DNMBP: variants seen among roughly 807,000 people sequenced by gnomAD.
DNMBP encodes dynamin binding protein, also known as dynamin-binding protein.
In DNMBP, 87 loss-of-function variants were observed where a neutral mutation model predicts 150.0. That is an observed-to-expected ratio of 0.58 (90% CI 0.49 to 0.69). The LOEUF (loss-of-function observed/expected upper bound fraction) is 0.69. DNMBP is among the 30% of genes least tolerant of loss of function. DNMBP has a pLI of 0.00. For missense variants in DNMBP, 1,774 were observed against 1,949.0 expected (o/e 0.91, Z 1.69); for synonymous variants, 711 against 750.4 (o/e 0.95, Z 0.86).
At chr10:99,899,839 C>A (rs2039713069) in intron 7 of DNMBP, 80 bp downstream of exon 7, 2 of 1,436,328 alleles carry the variant, frequency 1.4e-6, no homozygotes, top group East Asian at 2.3e-5. Context: ...AAGATGTCAT[C>A]ATCAAGTCCA....
At chr10:99,976,429 C>T (rs1244623504) in intron 1 of DNMBP, among the ~76,000 whole-genome samples, 1 of 152,082 alleles carries the variant, frequency 6.6e-6, no homozygotes, top group Non-Finnish European at 1.5e-5. Context: ...TACACAATAC[C>T]AGCACTGTCT....
At chr10:99,906,723 C>T (rs1035766345) in intron 6 of DNMBP, among the ~76,000 whole-genome samples, 2 of 152,144 alleles carry the variant, frequency 1.3e-5, no homozygotes, top group Non-Finnish European at 2.9e-5. Flanking sequence ...GGAAGTAGAT[C>T]CCTGAGCCCC....
intron 2 of DNMBP, among the ~76,000 whole-genome samples, chr10:99,970,540 TGAAA>T (rs1378844457): frequency 1.3e-5 from 2 of 151,266 alleles, no homozygotes; most frequent in African/African-American, 2.4e-5. Flanking sequence ...TTGAAGAAAA[TGAAA>T]GAAAGATCAC....
chr10:99,892,631 A>G lies in DNMBP; in HGVS notation c.3156+2315T>C, dbSNP rs554304617. The stretch of plus-strand genomic sequence containing the variant: ...GGACACAAACACTGCGGAAGGCCGC[A>G]GGGTCCTCTGCCTAGGAAAACCAGA... On this transcript the variant is annotated intron_variant, in intron 11 of 16. Transcript: ENST00000324109. Among the ~76,000 whole-genome samples the G allele has an allele frequency of 1.0e-3, 145 of 138,664 alleles. 2 individuals carry two copies. Among genetic ancestry groups the G allele is most frequent in the Admixed American group, 2.7e-3 (36 of 13,448 alleles). The allele number at this position is 138,664 out of a possible 152,430, so 91.0% of individuals were successfully genotyped here. A position where few individuals can be genotyped will look rare whatever the true frequency, so the allele number is the denominator to read the frequency against.
intron 11 of DNMBP, 169 bp from the exon 12 acceptor site, chr10:99,889,122 C>CT: frequency 1.4e-6 from 1 of 695,134 alleles, no homozygotes; most frequent in East Asian, 2.9e-5. Flanking sequence ...TAAACTATGA[C>CT]TTACGGGGCA....
chr10:99,912,648 T>C (rs1357390073), intron 4 of DNMBP, among the ~76,000 whole-genome samples: 1 of 152,024 alleles, frequency 6.6e-6, no homozygotes, highest in East Asian at 1.9e-4. Context: ...GGGACCGGGG[T>C]ATCCGCAATT....
chr10:99,944,315 T>C (rs1034953550), intron 4 of DNMBP, among the ~76,000 whole-genome samples: 2 of 152,220 alleles, frequency 1.3e-5, no homozygotes, highest in African/African-American at 4.8e-5. Context: ...TCAAGAAATA[T>C]ACACTGAATA....
Position 99,978,967 on chromosome 10 carries a change from A to G in DNMBP, c.-10-6833T>C, listed in dbSNP as rs140049938. 4.8e-3 allele frequency among the ~76,000 whole-genome samples: 725 copies of G among 152,204 alleles called. 8 individuals carry two copies. The highest frequency in any genetic ancestry group is 0.017 in the African/African-American group (699 of 41,522). On this transcript the variant is annotated intron_variant, in intron 1 of 16. Transcript: ENST00000324109. ...AAATTCTGGATTTTAACAGAATTGC[A>G]GTTCTGTTTTCCCCACTAAAATGGC...
At chr10:99,893,758 G>A (rs2039611561) in intron 11 of DNMBP, among the ~76,000 whole-genome samples, 4 of 151,990 alleles carry the variant, frequency 2.6e-5, no homozygotes, top group African/African-American at 9.7e-5. Flanking sequence ...CTGTGTGTAT[G>A]GCTACATCAC....
chr10:99,955,088 T>C (rs971749352), intron 4 of DNMBP, 126 bp downstream of exon 4: 33 of 770,686 alleles, frequency 4.3e-5, no homozygotes, highest in Non-Finnish European at 5.4e-5. Flanking sequence ...AGAAATTAGG[T>C]AATGAAAATG....
At chr10:99,877,360 T>C in intron 16 of DNMBP, 24 bp from the exon 17 acceptor site, 1 of 1,579,076 alleles carries the variant, frequency 6.3e-7, no homozygotes, top group African/African-American at 1.4e-5. Context: ...AGAGAGAAAA[T>C]GGGAAATTGC....
At chr10:99,939,011 T>C (rs960913509) in intron 4 of DNMBP, among the ~76,000 whole-genome samples, 14 of 151,778 alleles carry the variant, frequency 9.2e-5, no homozygotes, top group African/African-American at 1.9e-4. Flanking sequence ...CCAGAGTGGA[T>C]AGACTGCCAC....
chr10:100,006,492 G>GC (rs1417766543), intron 1 of DNMBP, among the ~76,000 whole-genome samples: 3 of 152,182 alleles, frequency 2.0e-5, no homozygotes, highest in Non-Finnish European at 2.9e-5. Context: ...CCCTGACTCA[G>GC]CCCTTGTCCT....
At chr10:99,900,455 G>C (rs570724591) in intron 6 of DNMBP, among the ~76,000 whole-genome samples, 1 of 151,924 alleles carries the variant, frequency 6.6e-6, no homozygotes, top group Admixed American at 6.6e-5. Context: ...TGGTAGAGAG[G>C]GGGTTTCGCC....
chr10:99,892,331 G>A (rs1590215896), intron 11 of DNMBP, among the ~76,000 whole-genome samples: 1 of 146,582 alleles, frequency 6.8e-6, no homozygotes, highest in Non-Finnish European at 1.5e-5. Context: ...GAAAGGTGGG[G>A]AAAAGATTGA....
At chr10:99,921,804 G>A (rs2040025450) in intron 4 of DNMBP, among the ~76,000 whole-genome samples, 1 of 142,386 alleles carries the variant, frequency 7.0e-6, no homozygotes, top group Non-Finnish European at 1.5e-5. Flanking sequence ...GGTGGGGGCT[G>A]CAGTGTGCCA....
intron 15 of DNMBP, among the ~76,000 whole-genome samples, chr10:99,883,374 G>A (rs1028886282): frequency 6.6e-6 from 1 of 152,264 alleles, no homozygotes; most frequent in Admixed American, 6.5e-5. Flanking sequence ...CATGGAAACT[G>A]GAAGAGGTGC....
chr10:99,899,858 CACAGGTAT>C, intron 7 of DNMBP, 53 bp downstream of exon 7: 1 of 1,562,948 alleles, frequency 6.4e-7, no homozygotes, highest in Non-Finnish European at 8.8e-7. Context: ...CAGGCATATA[CACAGGTAT>C]AACTTAGAGA....
chr10:99,947,895 A>G (rs1589433555), intron 4 of DNMBP, among the ~76,000 whole-genome samples: 1 of 152,056 alleles, frequency 6.6e-6, no homozygotes, highest in East Asian at 1.9e-4. Flanking sequence ...TAGGTGTGTA[A>G]GATATTAAGG....
Sources: allele counts gnomAD v4.1 joint callset (sites outside exome capture counted in the v4.1 genomes callset), GRCh38; gene constraint gnomAD v4.1.1; transcripts MANE v1.5; gene names NCBI Gene and HGNC (gene_info 2026-07-23, HGNC 2026-07-21).